The following TSPAN9 variants were observed in gnomAD, a reference collection of about 807,000 sequenced individuals.
The protein encoded by TSPAN9 is tetraspanin-9.
In TSPAN9, 16 loss-of-function variants were observed where a neutral mutation model predicts 31.0. The ratio of observed to expected loss-of-function variants is 0.52; its 90% confidence interval spans 0.35 to 0.78. The LOEUF (loss-of-function observed/expected upper bound fraction) is 0.78. Ranked by LOEUF, TSPAN9 falls within the 30% of genes least tolerant of loss-of-function variation. TSPAN9 has a pLI of 0.01. For synonymous variants in TSPAN9, 145 were observed against 121.6 expected, an observed-to-expected ratio of 1.19 and a Z score of -1.27; for missense variants, 272 against 312.5, an observed-to-expected ratio of 0.87 and a Z score of 0.98.
At chr12:3,257,337 C>T (rs1243370846) in intron 3 of TSPAN9, among the ~76,000 whole-genome samples, 1 of 152,008 alleles carries the variant, frequency 6.6e-6, no homozygotes, top group African/African-American at 2.4e-5. Flanking sequence ...CCAGGTCCTA[C>T]CCCATTTCCT....
chr12:3,105,082 G>C (rs1272319181), intron 2 of TSPAN9, among the ~76,000 whole-genome samples: 1 of 152,214 alleles, frequency 6.6e-6, no homozygotes, highest in Admixed American at 6.5e-5. Flanking sequence ...AGGGGAGGCT[G>C]CCTGGGGAGT....
intron 2 of TSPAN9, among the ~76,000 whole-genome samples, chr12:3,122,435 A>G (rs1280165182): frequency 6.6e-6 from 1 of 151,934 alleles, no homozygotes; most frequent in African/African-American, 2.4e-5. Flanking sequence ...GGCACACACC[A>G]CCATGCTTGG....
At chr12:3,266,222 C>T (rs1329406432) in intron 3 of TSPAN9, among the ~76,000 whole-genome samples, 1 of 152,184 alleles carries the variant, frequency 6.6e-6, no homozygotes, top group African/African-American at 2.4e-5. Flanking sequence ...ACCCAGATCC[C>T]AGCAGCAGGA....
chr12:3,193,916 C>G (rs771019136), intron 2 of TSPAN9, among the ~76,000 whole-genome samples: 13 of 152,202 alleles, frequency 8.5e-5, no homozygotes, highest in Non-Finnish European at 1.5e-4. Context: ...GTGAGTGAGA[C>G]AGCTGACCGC....
chr12:3,262,993 A>G (rs1862478862), intron 3 of TSPAN9, among the ~76,000 whole-genome samples: 1 of 152,158 alleles, frequency 6.6e-6, no homozygotes, highest in Non-Finnish European at 1.5e-5. Context: ...GCGAGCAGTA[A>G]ATGGCAGCAC....
At position 3,280,328 on chromosome 12, in the gene TSPAN9, G is replaced by A; in HGVS notation, c.331-54G>A. ...CCTGGGTGACCTGAGGTGGGCTGGAGAGACGAGCTGCGTCCTGGTTCCAAC... is the reference window on the plus strand; with the variant it reads ...CCTGGGTGACCTGAGGTGGGCTGGAAAGACGAGCTGCGTCCTGGTTCCAAC... On this transcript the variant is annotated intron_variant, in intron 5 of 8. Transcript: ENST00000011898. The surrounding 1 kb of genome is among the most constrained non-coding windows in gnomAD (Gnocchi z 4.5). 1 of 1,537,876 alleles carries A rather than the reference G, an allele frequency of 6.5e-7. No homozygotes were observed. The highest frequency in any genetic ancestry group is 2.2e-5 in the East Asian group (1 of 44,558).
intron 2 of TSPAN9, among the ~76,000 whole-genome samples, chr12:3,092,465 C>A (rs2098305277): frequency 6.6e-6 from 1 of 152,162 alleles, no homozygotes; most frequent in African/African-American, 2.4e-5. Flanking sequence ...TTCTGTTTTA[C>A]CCAGTTCCCT....
At chr12:3,095,574 G>A (rs2098307864) in intron 2 of TSPAN9, among the ~76,000 whole-genome samples, 1 of 129,834 alleles carries the variant, frequency 7.7e-6, no homozygotes, top group South Asian at 2.4e-4. Flanking sequence ...CAGTAGGGGC[G>A]GCCGGGCAGA....
chr12:3,188,638 G>A (rs923677129), intron 2 of TSPAN9, among the ~76,000 whole-genome samples: 4 of 152,184 alleles, frequency 2.6e-5, no homozygotes, highest in African/African-American at 7.2e-5. Context: ...TCTTGGGGCC[G>A]GAGCTTGGGG....
intron 2 of TSPAN9, among the ~76,000 whole-genome samples, chr12:3,162,414 C>A (rs564161242): frequency 1.3e-5 from 2 of 152,262 alleles, no homozygotes; most frequent in South Asian, 4.1e-4. Context: ...AAGGTCAGAA[C>A]AGGAGGATGT....
rs2098390040 is a variant in TSPAN9, at chr12:3,230,383, C to G, written c.63+29127C>G. 1.3e-5 allele frequency among the ~76,000 whole-genome samples: 2 copies of G among 152,138 alleles called. 1 individual carries two copies. Among genetic ancestry groups the G allele is most frequent in the African/African-American group, 4.8e-5 (2 of 41,426 alleles). ...GTCTCACAGCCAGGCTTCCCCCTCCCTTGTGAGCCTGACTCCCCTGCCTGC... is the reference window on the plus strand; with the variant it reads ...GTCTCACAGCCAGGCTTCCCCCTCCGTTGTGAGCCTGACTCCCCTGCCTGC... On this transcript the variant is annotated intron_variant, in intron 3 of 8. Transcript: ENST00000011898.
intron 3 of TSPAN9, among the ~76,000 whole-genome samples, chr12:3,272,498 T>TG (rs1433045538): frequency 0.02 from 2,771 of 140,552 alleles, 31 homozygotes; most frequent in Non-Finnish European, 0.029. Flanking sequence ...TGCATGTGTG[T>TG]TTTTTTTTTT....
intron 2 of TSPAN9, among the ~76,000 whole-genome samples, chr12:3,122,620 A>T (rs1052973190): frequency 1.3e-5 from 2 of 152,036 alleles, no homozygotes; most frequent in Non-Finnish European, 2.9e-5. Flanking sequence ...AGGAGACCAT[A>T]GATAAGGAAG....
Position 3,198,217 on chromosome 12 carries a change from G to A in TSPAN9, c.-17-2960G>A, listed in dbSNP as rs545800339. Among the ~76,000 whole-genome samples the A allele has an allele frequency of 2.5e-4, 21 of 83,290 alleles. 1 individual carries two copies. The highest frequency in any genetic ancestry group is 9.7e-4 in the African/African-American group (21 of 21,676). The allele number at this position is 83,290 out of a possible 152,430, so 54.6% of individuals were successfully genotyped here. A position where few individuals can be genotyped will look rare whatever the true frequency, so the allele number is the denominator to read the frequency against. On this transcript the variant is annotated intron_variant, in intron 2 of 8. Coordinates refer to ENST00000011898, the MANE Select transcript of TSPAN9 (RefSeq NM_006675.5). ...CCACCACCAGCACAGGTCACCACCA[G>A]CACAGGTCACCACCAGCACAGGTCA...
At chr12:3,229,351 G>A (rs1465626708) in intron 3 of TSPAN9, among the ~76,000 whole-genome samples, 1 of 152,194 alleles carries the variant, frequency 6.6e-6, no homozygotes, top group African/African-American at 2.4e-5. Context: ...CCTGGCCTTC[G>A]AGGTGCCTTT....
chr12:3,231,908 G>C (rs2098390962), intron 3 of TSPAN9, among the ~76,000 whole-genome samples: 1 of 152,230 alleles, frequency 6.6e-6, no homozygotes, highest in African/African-American at 2.4e-5. Context: ...CTGGCTCTCA[G>C]TGGGGCTGTC....
chr12:3,215,291 C>A, intron 3 of TSPAN9: 1 of 152,402 alleles, frequency 6.6e-6, no homozygotes, highest in Non-Finnish European at 1.5e-5. Flanking sequence ...TGGGGGAAGG[C>A]TTGGGCTACC....
intron 2 of TSPAN9, among the ~76,000 whole-genome samples, chr12:3,110,741 A>G (rs765680158): frequency 2.6e-5 from 4 of 152,224 alleles, no homozygotes; most frequent in Non-Finnish European, 4.4e-5. Context: ...ACCCAGGTTC[A>G]GACTGTTCTG....
At chr12:3,105,754 A>ACG (rs1350353548) in intron 2 of TSPAN9, among the ~76,000 whole-genome samples, 3 of 91,510 alleles carry the variant, frequency 3.3e-5, no homozygotes, top group Non-Finnish European at 5.2e-5. Flanking sequence ...ACACTCACAC[A>ACG]CACGCACACA....
Sources: gnomAD v4.1 joint callset for allele counts (sites outside exome capture counted in the v4.1 genomes callset) on GRCh38, gnomAD v4.1.1 for gene constraint, Gnocchi (gnomAD v3.1) non-coding constraint, MANE v1.5 for transcripts, NCBI Gene and HGNC (gene_info 2026-07-23, HGNC 2026-07-21) for gene names.